Variants in EIF4E3 observed in about 807,000 individuals in gnomAD.
EIF4E3 encodes the protein eukaryotic translation initiation factor 4E type 3.
Under a neutral mutation model 31.7 loss-of-function variants are expected in EIF4E3, and 26 were observed. The ratio of observed to expected loss-of-function variants is 0.82; its 90% CI spans 0.60 to 1.14. The LOEUF (loss-of-function observed/expected upper bound fraction) is 1.14, where lower values mean the gene tolerates loss of function less well. EIF4E3 is among the 50% of genes most tolerant of loss of function. The pLI is 0.00. For synonymous variants in EIF4E3, 128 were observed against 107.7 expected (o/e 1.19, Z -1.17); for missense variants, 304 against 270.9 (o/e 1.12, Z -0.86).
chr3:71,677,478 T>G lies in EIF4E3; in HGVS notation c.*7204A>C, dbSNP rs1253975581. ...GGTGACAAGGCAGAGGAACCTATGC[T>G]AATAGAACAACCGAGAACACATTCC... On this transcript the variant is annotated 3_prime_UTR_variant, in exon 7 of 7. Coordinates refer to ENST00000425534, the MANE Select transcript of EIF4E3 (RefSeq NM_001134651.2). The G allele has an allele frequency of 3.9e-5, 6 of 152,308 alleles. No homozygotes were observed. The East Asian group carries it at 1.2e-3, about 29-fold the overall frequency. The allele number at this position is 152,308 out of a possible 1,614,324, so 9.4% of individuals were successfully genotyped here.
intron 1 of EIF4E3, among the ~76,000 whole-genome samples, chr3:71,733,115 T>C (rs1396713493): frequency 5.3e-5 from 8 of 152,182 alleles, no homozygotes; most frequent in Admixed American, 5.2e-4. Context: ...TGAACAACTG[T>C]CCCAATTTGC....
At chr3:71,711,153 T>C (rs1393137146) in intron 1 of EIF4E3, among the ~76,000 whole-genome samples, 1 of 152,234 alleles carries the variant, frequency 6.6e-6, no homozygotes, top group Non-Finnish European at 1.5e-5. Context: ...CCAGAAACAC[T>C]GCAATTTAAC....
At chr3:71,738,490 C>T (rs919723520) in intron 1 of EIF4E3, among the ~76,000 whole-genome samples, 1 of 151,988 alleles carries the variant, frequency 6.6e-6, no homozygotes, top group Admixed American at 6.5e-5. Context: ...GTAACAATAA[C>T]CCCACAAAGT....
At chr3:71,721,680 G>T (rs2049552066) in intron 1 of EIF4E3, among the ~76,000 whole-genome samples, 2 of 152,164 alleles carry the variant, frequency 1.3e-5, no homozygotes, top group East Asian at 3.8e-4. Flanking sequence ...CTGTGAAGAA[G>T]GTGCCTGCTT....
intron 2 of EIF4E3, among the ~76,000 whole-genome samples, chr3:71,708,995 T>C (rs1049599272): frequency 6.6e-6 from 1 of 152,112 alleles, no homozygotes; most frequent in Non-Finnish European, 1.5e-5. Context: ...TCACTGCCCT[T>C]GGTAGCCACA....
At chr3:71,722,242 A>G (rs2049562790) in intron 1 of EIF4E3, among the ~76,000 whole-genome samples, 1 of 152,228 alleles carries the variant, frequency 6.6e-6, no homozygotes, top group Non-Finnish European at 1.5e-5. Flanking sequence ...GTAGTTCAGT[A>G]TATGTTGAGT....
chr3:71,739,162 T>C (rs561239024), intron 1 of EIF4E3, among the ~76,000 whole-genome samples: 1 of 150,658 alleles, frequency 6.6e-6, no homozygotes, highest in South Asian at 2.1e-4. Context: ...AGGAAAGGTT[T>C]CAAATTAACA....
chr3:71,704,352 C>T (rs772510650), intron 2 of EIF4E3, among the ~76,000 whole-genome samples: 1 of 152,172 alleles, frequency 6.6e-6, no homozygotes, highest in Non-Finnish European at 1.5e-5. Context: ...GAGTGTGGAA[C>T]CTGCTTCCTG....
At chr3:71,696,406 C>A in intron 4 of EIF4E3, 54 bp downstream of exon 4, 1 of 1,596,566 alleles carries the variant, frequency 6.3e-7, no homozygotes, top group Non-Finnish European at 8.6e-7. Context: ...TGATGACAGG[C>A]AGTCAACAAC....
At chr3:71,750,264 C>T (rs926593810) in intron 1 of EIF4E3, among the ~76,000 whole-genome samples, 11 of 152,144 alleles carry the variant, frequency 7.2e-5, no homozygotes, top group African/African-American at 2.2e-4. Context: ...TTTGGTCCAA[C>T]GTCCCATTTC....
chr3:71,674,090 CTTTTTTTTTTTTT>C (rs71277509), downstream of EIF4E3, among the ~76,000 whole-genome samples: 18 of 25,072 alleles, frequency 7.2e-4, no homozygotes, highest in African/African-American at 9.1e-4. Flanking sequence ...ATCAACTGTA[CTTTTTTTTTTTTT>C]TTTTTTTTTT....
At chr3:71,730,510 G>C (rs1316979871) in intron 1 of EIF4E3, among the ~76,000 whole-genome samples, 1 of 152,120 alleles carries the variant, frequency 6.6e-6, no homozygotes, top group Non-Finnish European at 1.5e-5. Flanking sequence ...CTTGTTCAGA[G>C]CTGCTAATGG....
In EIF4E3 at chr3:71,680,398, G is replaced by C. The variant is rs944949614; in HGVS notation, c.*4284C>G. On this transcript the variant is annotated 3_prime_UTR_variant, in exon 7 of 7. Transcript: ENST00000425534. Reference sequence around the variant, plus strand: ...GTGATTTTGCTGCATGCTAAGGGGTGAGAAGCACTGGTAGATGATCTCAAA... The same window carrying C: ...GTGATTTTGCTGCATGCTAAGGGGTCAGAAGCACTGGTAGATGATCTCAAA... 6.6e-6 allele frequency: 1 copy of C among 152,190 alleles called. No homozygotes were observed. Among genetic ancestry groups the C allele is most frequent in the African/African-American group, 2.4e-5 (1 of 41,436 alleles). 9.4% of individuals were successfully genotyped at this position (152,190 alleles called of 1,614,324 possible). A position where few individuals can be genotyped will look rare whatever the true frequency, so the allele number is the denominator to read the frequency against.
chr3:71,667,654 T>C, the EIF4E3 span, among the ~76,000 whole-genome samples: 3 of 152,170 alleles, frequency 2.0e-5, no homozygotes, highest in Admixed American at 6.5e-5. Context: ...CCATTCACAA[T>C]TGCTACAAGG....
intron 2 of EIF4E3, among the ~76,000 whole-genome samples, chr3:71,700,302 A>G (rs146390361): frequency 2.0e-5 from 3 of 152,242 alleles, no homozygotes; most frequent in Admixed American, 2.0e-4. Context: ...GTCTACACAT[A>G]AAACTGGAAA....
downstream of EIF4E3, among the ~76,000 whole-genome samples, chr3:71,672,203 C>T (rs1022922306): frequency 2.0e-5 from 3 of 152,026 alleles, no homozygotes; most frequent in Admixed American, 6.6e-5. Context: ...CGTGGGCTCT[C>T]TCTAACATTT....
downstream of EIF4E3, among the ~76,000 whole-genome samples, chr3:71,673,962 C>T (rs1366939145): frequency 1.4e-5 from 2 of 147,564 alleles, no homozygotes; most frequent in African/African-American, 2.5e-5. Flanking sequence ...ATACAGGGAA[C>T]TCTTGGGAGC....
In EIF4E3 at chr3:71,696,565, A is replaced by G. The variant is rs754359365; in HGVS notation, c.345-45T>C. 11 of 1,599,182 alleles carry G rather than the reference A, an allele frequency of 6.9e-6. No homozygotes were observed. The Admixed American group carries it at 1.3e-4, about 19-fold the overall frequency. ...TTAAAGTTACACTCAGGACTAAGTG[A>G]TTCTACATACAGTTAGATTAAATAT... On this transcript the variant is annotated intron_variant, in intron 3 of 6. Transcript: ENST00000425534.
rs1299132953 is a variant in EIF4E3, at chr3:71,680,995, TTCTC to T, written c.*3683_*3686del. ...TGCTAAAAAAAATCAACTCCTAATT[TTCTC>T]TCTTTGGGCATAATATTTGATGAAA... On this transcript the variant is annotated 3_prime_UTR_variant, in exon 7 of 7. Coordinates refer to ENST00000425534, the MANE Select transcript of EIF4E3 (RefSeq NM_001134651.2). 1 of 152,216 alleles carries T rather than the reference TTCTC, an allele frequency of 6.6e-6. No individual in the cohort carries two copies. The highest frequency in any genetic ancestry group is 1.9e-4 in the East Asian group (1 of 5,200). The allele number at this position is 152,216 out of a possible 1,614,324, so 9.4% of individuals were successfully genotyped here.
Sources: gnomAD v4.1 joint callset for allele counts (sites outside exome capture counted in the v4.1 genomes callset) on GRCh38, gnomAD v4.1.1 for gene constraint, MANE v1.5 for transcripts, NCBI Gene and HGNC (gene_info 2026-07-23, HGNC 2026-07-21) for gene names.